The following SIGLEC7 variants were observed in gnomAD, a reference collection of about 807,000 sequenced individuals.
SIGLEC7 encodes the protein sialic acid binding Ig like lectin 7, also known as sialic acid-binding Ig-like lectin 7.
Under a neutral mutation model 40.8 loss-of-function variants are expected in SIGLEC7, and 33 were observed. The observed-to-expected ratio is 0.81, with a 90% CI of 0.61 to 1.08. SIGLEC7 has a LOEUF of 1.08. SIGLEC7 is among the 50% of genes least tolerant of loss of function. The pLI, the probability that SIGLEC7 is intolerant of heterozygous loss-of-function variation, is 0.00. For synonymous variants in SIGLEC7, 242 were observed against 237.6 expected, an observed-to-expected ratio of 1.02 and a Z score of -0.17; for missense variants, 513 against 576.1, an observed-to-expected ratio of 0.89 and a Z score of 1.12.
intron 2 of SIGLEC7, 43 bp downstream of exon 2, chr19:51,144,727 G>T (rs771689479): frequency 4.4e-6 from 7 of 1,600,014 alleles, no homozygotes; most frequent in Admixed American, 3.4e-5. Flanking sequence ...ATGAGGGGGG[G>T]ACGTCCCTGA....
rs1008541080 is a variant in SIGLEC7 at position 51,142,886 on chromosome 19, A to G, written c.433+84A>G. 1 of 1,414,540 alleles carries G rather than the reference A, an allele frequency of 7.1e-7. No individual in the cohort carries two copies. The highest frequency in any genetic ancestry group is 1.4e-5 in the African/African-American group (1 of 69,676). The allele number at this position is 1,414,540 out of a possible 1,614,324, so 87.6% of individuals were successfully genotyped here. A position where few individuals can be genotyped will look rare whatever the true frequency, so the allele number is the denominator to read the frequency against. Reference sequence around the variant, plus strand: ...GCTGAGACGGGACACATGTCCTGGGAGGGGGCCGGGGGTGATGGACTCAGG... The same window carrying G: ...GCTGAGACGGGACACATGTCCTGGGGGGGGGCCGGGGGTGATGGACTCAGG... On this transcript the variant is annotated intron_variant, in intron 1 of 6. Coordinates refer to ENST00000317643, the MANE Select transcript of SIGLEC7 (RefSeq NM_014385.4). This position sits in a 1 kb window ranked among gnomAD's most constrained non-coding sequence, Gnocchi z 5.0.
intron 4 of SIGLEC7, among the ~76,000 whole-genome samples, chr19:51,146,489 A>G (rs144068128): frequency 2.9e-3 from 439 of 152,354 alleles, no homozygotes; most frequent in African/African-American, 0.01. Context: ...ATTGGATGTG[A>G]TTATCTTTAT....
In SIGLEC7 at chr19:51,142,879, T is replaced by C; in HGVS notation, c.433+77T>C. ...GGGCACGGCTGAGACGGGACACATGTCCTGGGAGGGGGCCGGGGGTGATGG... is the reference window on the plus strand; with the variant it reads ...GGGCACGGCTGAGACGGGACACATGCCCTGGGAGGGGGCCGGGGGTGATGG... On this transcript the variant is annotated intron_variant, in intron 1 of 6. Coordinates refer to ENST00000317643, the MANE Select transcript of SIGLEC7 (RefSeq NM_014385.4). This position sits in a 1 kb window ranked among gnomAD's most constrained non-coding sequence, Gnocchi z 5.0. The C allele has an allele frequency of 6.9e-7, 1 of 1,446,620 alleles. No homozygotes were observed. 89.6% of individuals were successfully genotyped at this position (1,446,620 alleles called of 1,614,324 possible). A position where few individuals can be genotyped will look rare whatever the true frequency, so the allele number is the denominator to read the frequency against.
intron 6 of SIGLEC7, among the ~76,000 whole-genome samples, chr19:51,150,687 AAT>A (rs1373383927): frequency 2.0e-5 from 3 of 152,204 alleles, no homozygotes; most frequent in Non-Finnish European, 2.9e-5. Flanking sequence ...CGTATTTGGG[AAT>A]AGTTTCAGTA....
Position 51,153,122 on chromosome 19 carries a change from C to G in SIGLEC7, c.1281C>G (p.His427Gln). 1 of 1,607,570 alleles carries G rather than the reference C, an allele frequency of 6.2e-7. No homozygotes were observed. The highest frequency in any genetic ancestry group is 8.5e-7 in the Non-Finnish European group (1 of 1,176,886). ...CCCGACACCATGGCCTGGCTGCCCA[C>G]TCCTCAGGGGAGGAAAGAGAGATCC... ...DNPRHHGLAA[H>Q]SSGEEREIQY... The change falls in exon 7 of 7, where the codon CAC (histidine) becomes CAG (glutamine). Residue 427 changes from histidine to glutamine, a missense_variant. His to Gln is a conservative substitution (Grantham distance 24). Coordinates refer to ENST00000317643, the MANE Select transcript of SIGLEC7 (RefSeq NM_014385.4).
chr19:51,144,382 C>T, intron 1 of SIGLEC7, 24 bp from the exon 2 acceptor site: 1 of 1,587,060 alleles, frequency 6.3e-7, no homozygotes, highest in Non-Finnish European at 8.6e-7. Context: ...CTGTCCTGAT[C>T]CTGAGTCCCC....
intron 1 of SIGLEC7, chr19:51,143,936 T>C (rs1460180094): frequency 4.3e-6 from 2 of 465,858 alleles, no homozygotes; most frequent in Admixed American, 4.9e-5. Flanking sequence ...CTATTACAAC[T>C]GAACTGACTC....
At chr19:51,147,399 C>T in intron 6 of SIGLEC7, 82 bp downstream of exon 6, 1 of 1,227,172 alleles carries the variant, frequency 8.1e-7, no homozygotes, top group Admixed American at 2.5e-5. Context: ...CTCTGCTTAT[C>T]ATGGCCAAAA....
chr19:51,149,491 T>C (rs1385209297), intron 6 of SIGLEC7, among the ~76,000 whole-genome samples: 3 of 152,210 alleles, frequency 2.0e-5, no homozygotes, highest in African/African-American at 4.8e-5. Flanking sequence ...CTGGGCTCTC[T>C]ATTCCGTTCC....
chr19:51,144,010 C>T (rs559557089), intron 1 of SIGLEC7: 37 of 522,416 alleles, frequency 7.1e-5, no homozygotes, highest in South Asian at 5.3e-4. Flanking sequence ...ATCCAGTGGC[C>T]ACAAACATCC....
rs757009460 is a variant in SIGLEC7, at chr19:51,153,239, CA to C, written c.1400del (p.Lys467SerfsTer11). 1.3e-6 allele frequency: 2 copies of C among 1,562,942 alleles called. No individual in the cohort carries two copies. Among genetic ancestry groups the C allele is most frequent in the East Asian group, 4.6e-5 (2 of 43,324 alleles). ...ATGAGTACTCAGAGATCAAGATCCC[CA>C]AGTAAGAAAATGCAGAGGCTCGGGC... ...NNEYSEIKIPK is the reference protein window; with the variant it reads ...NNEYSEIKIPX On this transcript the variant is annotated frameshift_variant, in exon 7 of 7. Transcript: ENST00000317643. LOFTEE classifies it high-confidence loss of function.
rs1236148694 is a variant in SIGLEC7 at position 51,144,442 on chromosome 19, C to T, written c.470C>T (p.Thr157Ile). Residue 157 changes from threonine (T) to isoleucine (I), a missense_variant, in exon 2 of 7, where the codon ACC (threonine) becomes ATC (isoleucine). Physicochemically the swap from Thr to Ile is moderately conservative, Grantham distance 89. Transcript: ENST00000317643. ...THRPNILIPG[T>I]LESGCFQNLT... ...AGGCCCAACATCCTTATCCCCGGTA[C>T]CCTGGAGTCTGGCTGCTTCCAGAAT... 6.2e-7 allele frequency: 1 copy of T among 1,612,702 alleles called. No homozygotes were observed. Among genetic ancestry groups the T allele is most frequent in the Non-Finnish European group, 8.5e-7 (1 of 1,179,832 alleles).
chr19:51,146,674 G>A (rs1021862749), intron 4 of SIGLEC7, 80 bp from the exon 5 acceptor site: 2 of 1,241,074 alleles, frequency 1.6e-6, no homozygotes, highest in Admixed American at 1.9e-5. Context: ...TACCCAAGTT[G>A]GGGGCCTTAT....
intron 4 of SIGLEC7, among the ~76,000 whole-genome samples, 191 bp from the exon 5 acceptor site, chr19:51,146,563 G>T (rs527901636): frequency 6.6e-6 from 1 of 152,214 alleles, no homozygotes; most frequent in South Asian, 2.1e-4. Context: ...TCAAATACAG[G>T]CAGGCTGTGC....
At chr19:51,150,469 C>A (rs2092136490) in intron 6 of SIGLEC7, among the ~76,000 whole-genome samples, 2 of 152,110 alleles carry the variant, frequency 1.3e-5, no homozygotes, top group Admixed American at 1.3e-4. Context: ...GTATGTTGAA[C>A]CAACATGAAG....
intron 6 of SIGLEC7, among the ~76,000 whole-genome samples, chr19:51,148,368 CTGT>C (rs2092123002): frequency 6.6e-6 from 1 of 152,122 alleles, no homozygotes; most frequent in Non-Finnish European, 1.5e-5. Context: ...GCCCCAGTGT[CTGT>C]TGTTCTCTTC....
chr19:51,148,574 T>C (rs1390461859), intron 6 of SIGLEC7, among the ~76,000 whole-genome samples: 3 of 152,254 alleles, frequency 2.0e-5, no homozygotes, highest in Non-Finnish European at 2.9e-5. Context: ...ATATTTTCTT[T>C]ATCCATTCTG....
rs749771647 is a variant in SIGLEC7 at position 51,153,217 on chromosome 19, A to C, written c.1376A>C (p.Glu459Ala). ...DLSGQEATNN[E>A]YSEIKIPK ...TCAGGACAAGAAGCCACCAACAATG[A>C]GTACTCAGAGATCAAGATCCCCAAG... The change falls in exon 7 of 7, where the codon GAG becomes GCG. Residue 459 changes from glutamate to alanine, a missense_variant. By Grantham distance (107) the Glu-to-Ala change is moderately radical. Coordinates refer to ENST00000317643, the MANE Select transcript of SIGLEC7 (RefSeq NM_014385.4). 12 of 1,588,672 alleles carry C rather than the reference A, an allele frequency of 7.6e-6. No individual in the cohort carries two copies. In the African/African-American group the frequency reaches 1.6e-4, roughly 21 times the overall value.
chr19:51,147,571 A>G (rs1026950681), intron 6 of SIGLEC7, among the ~76,000 whole-genome samples: 1 of 151,890 alleles, frequency 6.6e-6, no homozygotes, highest in Non-Finnish European at 1.5e-5. Context: ...ATAGCTCCAC[A>G]TTCACCAAAT....
Sources: gnomAD v4.1 joint callset for allele counts (sites outside exome capture counted in the v4.1 genomes callset) on GRCh38, gnomAD v4.1.1 for gene constraint, Gnocchi (gnomAD v3.1) non-coding constraint, MANE v1.5 for transcripts, NCBI Gene and HGNC (gene_info 2026-07-23, HGNC 2026-07-21) for gene names.